Variants in OTUD7A observed in about 807,000 individuals in gnomAD.
OTUD7A encodes the protein OTU domain-containing protein 7A.
In OTUD7A, 12 loss-of-function variants were observed where a neutral mutation model predicts 65.7. The observed-to-expected ratio is 0.18, with a 90% confidence interval of 0.12 to 0.30. The LOEUF (loss-of-function observed/expected upper bound fraction) is 0.30, where lower values mean the gene tolerates loss of function less well. Among genes scored for constraint, OTUD7A ranks in the 10% least tolerant of loss-of-function variants. OTUD7A has a pLI of 1.00. For synonymous variants in OTUD7A, 641 were observed against 586.3 expected, an observed-to-expected ratio of 1.09 and a Z score of -1.35; for missense variants, 1,148 against 1,304.8, an observed-to-expected ratio of 0.88 and a Z score of 1.85.
At chr15:31,704,548 A>G (rs962026489) in intron 1 of OTUD7A, among the ~76,000 whole-genome samples, 3 of 150,344 alleles carry the variant, frequency 2.0e-5, no homozygotes, top group African/African-American at 4.9e-5. Flanking sequence ...ATCTGGACAA[A>G]TCATGGACTC....
intron 4 of OTUD7A, among the ~76,000 whole-genome samples, chr15:31,566,626 A>G (rs1177767083): frequency 2.6e-5 from 4 of 152,190 alleles, no homozygotes; most frequent in South Asian, 2.1e-4. Context: ...GTGATCCCCA[A>G]TCTTGGAGGG....
chr15:31,737,690 T>C (rs1894229162), intron 1 of OTUD7A, among the ~76,000 whole-genome samples: 1 of 152,228 alleles, frequency 6.6e-6, no homozygotes, highest in Non-Finnish European at 1.5e-5. Flanking sequence ...AAAGAATTTT[T>C]GAAGTGGCAG....
chr15:31,781,075 C>T (rs149455637), intron 1 of OTUD7A, among the ~76,000 whole-genome samples: 46 of 152,244 alleles, frequency 3.0e-4, no homozygotes, highest in African/African-American at 1.1e-3. Context: ...GTCTCTTCCA[C>T]AATGTGACCT....
chr15:31,618,128 A>G (rs931425524), intron 3 of OTUD7A, among the ~76,000 whole-genome samples: 27 of 152,200 alleles, frequency 1.8e-4, no homozygotes, highest in Non-Finnish European at 3.5e-4. Context: ...TTATGGCTGC[A>G]TAGTATTCCA....
intron 1 of OTUD7A, among the ~76,000 whole-genome samples, chr15:31,852,969 G>A (rs1190587312): frequency 2.0e-5 from 3 of 152,202 alleles, no homozygotes; most frequent in African/African-American, 7.2e-5. Flanking sequence ...ACAGGCTGAG[G>A]AGGTGGGGAA....
At chr15:31,616,216 C>T (rs773079204) in intron 3 of OTUD7A, among the ~76,000 whole-genome samples, 16 of 152,206 alleles carry the variant, frequency 1.1e-4, no homozygotes, top group Admixed American at 2.0e-4. Context: ...GGCACCTTGG[C>T]TACTCTCTCC....
chr15:31,657,582 C>T (rs1256109949), intron 1 of OTUD7A, among the ~76,000 whole-genome samples: 10 of 151,680 alleles, frequency 6.6e-5, no homozygotes, highest in Admixed American at 2.0e-4. Context: ...AGGATGGTCT[C>T]GATCTCCTGA....
At chr15:31,547,479 C>A (rs933996778) in intron 5 of OTUD7A, among the ~76,000 whole-genome samples, 3 of 152,190 alleles carry the variant, frequency 2.0e-5, no homozygotes, top group Non-Finnish European at 1.5e-5. Flanking sequence ...TTCCTTAACT[C>A]CCACCTGAAC....
intron 1 of OTUD7A, among the ~76,000 whole-genome samples, chr15:31,838,900 C>G (rs1897120447): frequency 6.6e-6 from 1 of 152,208 alleles, no homozygotes; most frequent in Non-Finnish European, 1.5e-5. Flanking sequence ...GTCAGAGAGA[C>G]CTTTGCCAAA....
chr15:31,766,033 G>A, intron 1 of OTUD7A: 2 of 1,557,970 alleles, frequency 1.3e-6, no homozygotes, highest in Non-Finnish European at 1.8e-6. Flanking sequence ...GAGTAAGTTG[G>A]CAAAGGAGCA....
intron 3 of OTUD7A, among the ~76,000 whole-genome samples, chr15:31,639,737 G>A (rs945935223): frequency 1.3e-5 from 2 of 152,056 alleles, no homozygotes; most frequent in African/African-American, 4.8e-5. Flanking sequence ...ATCTCATTCT[G>A]GCTTTAAGTT....
At chr15:31,769,347 C>T (rs1895172217) in intron 1 of OTUD7A, among the ~76,000 whole-genome samples, 1 of 152,116 alleles carries the variant, frequency 6.6e-6, no homozygotes, top group Non-Finnish European at 1.5e-5. Context: ...TGTGTATGCA[C>T]CTAACAACAG....
chr15:31,631,538 A>T (rs1465643095), intron 3 of OTUD7A, among the ~76,000 whole-genome samples: 2 of 152,054 alleles, frequency 1.3e-5, no homozygotes, highest in African/African-American at 2.4e-5. Flanking sequence ...CCTGCATTTC[A>T]ACTTTGGTGA....
intron 1 of OTUD7A, among the ~76,000 whole-genome samples, chr15:31,834,794 T>G (rs954318312): frequency 6.6e-6 from 1 of 152,230 alleles, no homozygotes; most frequent in Non-Finnish European, 1.5e-5. Context: ...ATCTGCAGTG[T>G]ATGAACACTA....
intron 1 of OTUD7A, among the ~76,000 whole-genome samples, chr15:31,772,095 A>T (rs576037524): frequency 1.3e-5 from 2 of 148,300 alleles, no homozygotes; most frequent in Non-Finnish European, 3.0e-5. Context: ...TACTAAAAAT[A>T]CAAAAAATTA....
In OTUD7A at chr15:31,530,596, G is replaced by A. The variant is rs1039786123; in HGVS notation, c.652+111C>T. 3.8e-5 allele frequency: 36 copies of A among 947,570 alleles called. No individual in the cohort carries two copies. The East Asian group carries it at 9.2e-4, about 24-fold the overall frequency. 58.7% of individuals were successfully genotyped at this position (947,570 alleles called of 1,614,324 possible). Reference sequence around the variant, plus strand: ...ACTTTCTCATGACAGTGACATGGGTGACTCTATTTAGTGTATGCTTTTCCT... The same window carrying A: ...ACTTTCTCATGACAGTGACATGGGTAACTCTATTTAGTGTATGCTTTTCCT... On this transcript the variant is annotated intron_variant, in intron 6 of 12. Coordinates refer to ENST00000307050, the MANE Select transcript of OTUD7A (RefSeq NM_001382637.1).
At chr15:31,608,756 A>C (rs1890310168) in intron 3 of OTUD7A, among the ~76,000 whole-genome samples, 1 of 152,256 alleles carries the variant, frequency 6.6e-6, no homozygotes, top group Non-Finnish European at 1.5e-5. Flanking sequence ...ATGAGGCAGG[A>C]CTAGACTGTA....
At position 31,651,643 on chromosome 15, in the gene OTUD7A, T is replaced by A. The variant is rs564002078; in HGVS notation, c.151+3453A>T. On this transcript the variant is annotated intron_variant, in intron 3 of 12. Coordinates refer to ENST00000307050, the MANE Select transcript of OTUD7A (RefSeq NM_001382637.1). ...CAGCCCTCCTAGAACAAACTGAGTT[T>A]AGCTTTAGCAAGATTGCAGGATGCA... 4.0e-5 allele frequency among the ~76,000 whole-genome samples: 6 copies of A among 151,592 alleles called. No homozygotes were observed. The South Asian group carries it at 1.3e-3, about 32-fold the overall frequency.
Position 31,483,969 on chromosome 15 carries a change from G to T in OTUD7A, c.2127C>A (p.Gly709=), listed in dbSNP as rs1239311855. 1 of 1,140,456 alleles carries T rather than the reference G, an allele frequency of 8.8e-7. No individual in the cohort carries two copies. The highest frequency in any genetic ancestry group is 2.7e-5 in the South Asian group (1 of 37,144). The allele number at this position is 1,140,456 out of a possible 1,614,324, so 70.6% of individuals were successfully genotyped here. Residue 709 remains glycine (G), a synonymous_variant, in exon 13 of 13, where the codon GGC becomes GGA. Coordinates refer to ENST00000307050, the MANE Select transcript of OTUD7A (RefSeq NM_001382637.1). ...KRPPRRPETE[G]VPVPERASPG... is the part of the protein sequence containing the mutation. ...GAGAGGCGCGCTCCGGGACCGGCACGCCCTCCGTCTCCGGTCTGCGCGGCG... is the reference window on the plus strand; with the variant it reads ...GAGAGGCGCGCTCCGGGACCGGCACTCCCTCCGTCTCCGGTCTGCGCGGCG...
Sources: gnomAD v4.1 joint callset for allele counts (sites outside exome capture counted in the v4.1 genomes callset) on GRCh38, gnomAD v4.1.1 for gene constraint, MANE v1.5 for transcripts, NCBI Gene and HGNC (gene_info 2026-07-23, HGNC 2026-07-21) for gene names.